Variants in PDE8B observed in about 807,000 individuals in gnomAD.
PDE8B encodes the protein phosphodiesterase 8B, also known as high affinity cAMP-specific and IBMX-insensitive 3',5'-cyclic phosphodiesterase 8B.
PDE8B carries 26 observed loss-of-function variants against 101.3 expected under a neutral mutation model. The observed-to-expected ratio is 0.26, with a 90% CI of 0.19 to 0.36. The LOEUF (loss-of-function observed/expected upper bound fraction) is 0.36. PDE8B is among the 10% of genes least tolerant of loss of function. The pLI is 1.00. For missense variants in PDE8B, 810 were observed against 1,163.1 expected (o/e 0.70, Z 4.42); for synonymous variants, 424 against 429.3 (o/e 0.99, Z 0.15).
intron 7 of PDE8B, among the ~76,000 whole-genome samples, chr5:77,348,354 C>A (rs1214963304): frequency 6.6e-6 from 1 of 152,158 alleles, no homozygotes; most frequent in African/African-American, 2.4e-5. Context: ...GAAAAGAAAT[C>A]AGAGGGTGGG....
At chr5:77,225,594 C>T (rs1312656858) in intron 1 of PDE8B, among the ~76,000 whole-genome samples, 1 of 152,000 alleles carries the variant, frequency 6.6e-6, no homozygotes, top group African/African-American at 2.4e-5. Context: ...GAGGTATGAT[C>T]TCGGGTGTTC....
At chr5:77,100,916 A>G in the PDE8B span, among the ~76,000 whole-genome samples, 1 of 151,984 alleles carries the variant, frequency 6.6e-6, no homozygotes, top group East Asian at 1.9e-4. Context: ...AGACAATTAT[A>G]AAAAACAGTA....
At chr5:77,318,055 CAAAAA>C (rs55952764) in intron 2 of PDE8B, among the ~76,000 whole-genome samples, 1 of 57,190 alleles carries the variant, frequency 1.7e-5, no homozygotes, top group African/African-American at 7.1e-5. Flanking sequence ...GACTCCATCT[CAAAAA>C]AAAAAAAAAA....
intron 1 of PDE8B, among the ~76,000 whole-genome samples, chr5:77,265,477 G>T (rs1192869960): frequency 1.3e-5 from 2 of 151,546 alleles, no homozygotes; most frequent in Non-Finnish European, 1.5e-5. Flanking sequence ...TGTTTAAATT[G>T]TTTTTTTTAA....
At chr5:77,111,975 ACTT>A in the PDE8B span, 2 of 152,048 alleles carry the variant, frequency 1.3e-5, no homozygotes, top group Non-Finnish European at 2.9e-5. Flanking sequence ...ACCCATTCCT[ACTT>A]ACTGATTACT....
chr5:77,343,976 C>T (rs1454971247), intron 6 of PDE8B, among the ~76,000 whole-genome samples: 1 of 151,272 alleles, frequency 6.6e-6, no homozygotes, highest in African/African-American at 2.4e-5. Context: ...TCACTGACTT[C>T]CCCCTCCACA....
At chr5:77,147,079 C>T in the PDE8B span, 2 of 386,210 alleles carry the variant, frequency 5.2e-6, no homozygotes, top group South Asian at 2.3e-5. Context: ...AAGCCTGATG[C>T]AGCAAAAAAG....
At chr5:77,358,468 T>G (rs1319581015) in intron 10 of PDE8B, 1 of 983,556 alleles carries the variant, frequency 1.0e-6, no homozygotes, top group African/African-American at 1.7e-5. Flanking sequence ...AGTTCTCGCC[T>G]TAGGGCGGGG....
the PDE8B span, among the ~76,000 whole-genome samples, chr5:77,118,006 C>T: frequency 1.3e-5 from 2 of 152,080 alleles, no homozygotes; most frequent in African/African-American, 4.8e-5. Flanking sequence ...GCAATCTCGG[C>T]TCACTGAAAG....
chr5:77,259,230 A>G (rs1759964843), intron 1 of PDE8B, among the ~76,000 whole-genome samples: 1 of 151,992 alleles, frequency 6.6e-6, no homozygotes, highest in Non-Finnish European at 1.5e-5. Context: ...GGTGGCAGTC[A>G]GCCCTCCTGG....
chr5:77,116,483 G>C, the PDE8B span, among the ~76,000 whole-genome samples: 3 of 151,940 alleles, frequency 2.0e-5, no homozygotes, highest in African/African-American at 7.2e-5. Context: ...CTCAAGTGAT[G>C]CGCCCGCCTT....
chr5:77,111,805 G>A, the PDE8B span: 1 of 152,118 alleles, frequency 6.6e-6, no homozygotes, highest in Non-Finnish European at 1.5e-5. Context: ...CAATGCTACA[G>A]TAAAAGTTAA....
chr5:77,184,534 A>G, the PDE8B span, among the ~76,000 whole-genome samples: 1 of 152,314 alleles, frequency 6.6e-6, no homozygotes. Flanking sequence ...TTGCCTACAA[A>G]AACAACAACT....
chr5:77,290,211 G>T (rs932409230), intron 1 of PDE8B: 29 of 1,540,264 alleles, frequency 1.9e-5, no homozygotes, highest in Non-Finnish European at 2.5e-5. Flanking sequence ...CGCACTGTGT[G>T]TGCACGCTGC....
At chr5:77,233,477 T>C (rs529567812) in intron 1 of PDE8B, among the ~76,000 whole-genome samples, 1 of 152,298 alleles carries the variant, frequency 6.6e-6, no homozygotes, top group South Asian at 2.1e-4. Context: ...TTGTAAGATA[T>C]CAATGGATGC....
At chr5:77,205,798 G>GT (rs1747456722), upstream of PDE8B, among the ~76,000 whole-genome samples, 1 of 151,940 alleles carries the variant, frequency 6.6e-6, no homozygotes. Context: ...ATCTATGTAC[G>GT]TATCTATTTT....
At chr5:77,094,767 C>A in the PDE8B span, among the ~76,000 whole-genome samples, 1 of 152,230 alleles carries the variant, frequency 6.6e-6, no homozygotes, top group African/African-American at 2.4e-5. Flanking sequence ...GGAAGGGGAG[C>A]AGACATCATA....
chr5:77,320,263 C>T (rs906104751), intron 2 of PDE8B, among the ~76,000 whole-genome samples: 5 of 152,334 alleles, frequency 3.3e-5, no homozygotes, highest in East Asian at 1.9e-4. Flanking sequence ...TTTCAACCCT[C>T]GTGCATGGTC....
intron 10 of PDE8B, among the ~76,000 whole-genome samples, chr5:77,378,482 AAAGG>A (rs1786776610): frequency 7.3e-6 from 1 of 136,906 alleles, no homozygotes; most frequent in Non-Finnish European, 1.6e-5. Flanking sequence ...AAAAAAAAAA[AAAGG>A]GCATGTACCA....
Sources: allele counts gnomAD v4.1 joint callset (sites outside exome capture counted in the v4.1 genomes callset), GRCh38; gene constraint gnomAD v4.1.1; transcripts MANE v1.5; gene names NCBI Gene and HGNC (gene_info 2026-07-23, HGNC 2026-07-21).